Variants in ABTB3 observed in about 807,000 individuals in gnomAD.
ABTB3 encodes ankyrin repeat and BTB domain containing 3.
At chr12:107,320,360 AC>A in the ABTB3 span, among the ~76,000 whole-genome samples, 1 of 152,170 alleles carries the variant, frequency 6.6e-6, no homozygotes, top group Non-Finnish European at 1.5e-5. Context: ...AGTGAGCAAA[AC>A]CCAGCACCAT....
the ABTB3 span, among the ~76,000 whole-genome samples, chr12:107,355,344 C>T: frequency 1.3e-5 from 2 of 152,210 alleles, no homozygotes; most frequent in Non-Finnish European, 2.9e-5. Flanking sequence ...GGGCCCCAGC[C>T]CAGTGAGGCA....
At chr12:107,377,300 A>C in the ABTB3 span, among the ~76,000 whole-genome samples, 1 of 152,214 alleles carries the variant, frequency 6.6e-6, no homozygotes, top group Non-Finnish European at 1.5e-5. Flanking sequence ...GCCTCTGTTG[A>C]GACTGCATCA....
At chr12:107,635,030 A>T in the ABTB3 span, 1 of 339,564 alleles carries the variant, frequency 2.9e-6, no homozygotes, top group East Asian at 4.6e-5. Context: ...TAGGTAGCGA[A>T]TCATGAGGGC....
the ABTB3 span, among the ~76,000 whole-genome samples, chr12:107,491,868 G>A: frequency 2.0e-5 from 3 of 151,628 alleles, no homozygotes; most frequent in African/African-American, 7.3e-5. Context: ...GCGTCAGCCT[G>A]TTGGGATCCA....
At chr12:107,351,763 T>C in the ABTB3 span, among the ~76,000 whole-genome samples, 1 of 152,284 alleles carries the variant, frequency 6.6e-6, no homozygotes, top group South Asian at 2.1e-4. Flanking sequence ...TTCTGTTTGT[T>C]ATAAATGACA....
the ABTB3 span, among the ~76,000 whole-genome samples, chr12:107,434,808 G>A: frequency 6.6e-6 from 1 of 151,828 alleles, no homozygotes; most frequent in African/African-American, 2.4e-5. Flanking sequence ...AGGTTGCAAT[G>A]AGCCAAGATT....
the ABTB3 span, among the ~76,000 whole-genome samples, chr12:107,521,243 G>A: frequency 3.4e-5 from 5 of 149,060 alleles, no homozygotes; most frequent in Admixed American, 2.0e-4. Context: ...GCAGTCGCTG[G>A]TCACATGTCT....
At chr12:107,524,882 T>C in the ABTB3 span, among the ~76,000 whole-genome samples, 1 of 152,218 alleles carries the variant, frequency 6.6e-6, no homozygotes, top group Non-Finnish European at 1.5e-5. Context: ...TGCAATTTGC[T>C]CTGTAGGGTG....
the ABTB3 span, among the ~76,000 whole-genome samples, chr12:107,648,938 G>A: frequency 6.6e-6 from 1 of 152,004 alleles, no homozygotes; most frequent in Non-Finnish European, 1.5e-5. Context: ...TTTGGTCTTG[G>A]GGGTGGGCAT....
chr12:107,593,837 C>T, the ABTB3 span, among the ~76,000 whole-genome samples: 2 of 152,148 alleles, frequency 1.3e-5, no homozygotes, highest in African/African-American at 4.8e-5. Flanking sequence ...AGGACTACGT[C>T]TATCTAGTGG....
chr12:107,623,726 G>T, the ABTB3 span, among the ~76,000 whole-genome samples: 1 of 152,120 alleles, frequency 6.6e-6, no homozygotes. Flanking sequence ...AATCAGGAGT[G>T]CCCACTTGGT....
At chr12:107,482,843 CTTTT>C in the ABTB3 span, among the ~76,000 whole-genome samples, 15 of 145,112 alleles carry the variant, frequency 1.0e-4, no homozygotes, top group African/African-American at 3.8e-4. Flanking sequence ...TTCTTTCTTT[CTTTT>C]CTTCTCTTGT....
the ABTB3 span, among the ~76,000 whole-genome samples, chr12:107,524,624 C>T: frequency 6.6e-6 from 1 of 152,190 alleles, no homozygotes; most frequent in Admixed American, 6.5e-5. Context: ...TTATTGTCCT[C>T]ATTCGATGAT....
chr12:107,657,001 C>T, the ABTB3 span, among the ~76,000 whole-genome samples: 2 of 152,136 alleles, frequency 1.3e-5, no homozygotes, highest in African/African-American at 2.4e-5. Context: ...CGAGATCATG[C>T]CGCTGCGCTC....
At chr12:107,553,634 T>C in the ABTB3 span, among the ~76,000 whole-genome samples, 1 of 152,066 alleles carries the variant, frequency 6.6e-6, no homozygotes, top group East Asian at 1.9e-4. Context: ...CGTTCTCCTG[T>C]AGGCAGTGAA....
At chr12:107,560,420 G>A in the ABTB3 span, among the ~76,000 whole-genome samples, 11 of 152,272 alleles carry the variant, frequency 7.2e-5, no homozygotes, top group African/African-American at 2.6e-4. Flanking sequence ...AATCCCAGCT[G>A]TTGCTTTTTT....
the ABTB3 span, among the ~76,000 whole-genome samples, chr12:107,539,816 C>T: frequency 6.6e-6 from 1 of 152,236 alleles, no homozygotes; most frequent in African/African-American, 2.4e-5. Flanking sequence ...AGTGACTCGC[C>T]TGTGTTTACA....
chr12:107,327,364 A>G, the ABTB3 span, among the ~76,000 whole-genome samples: 3 of 152,152 alleles, frequency 2.0e-5, no homozygotes, highest in African/African-American at 7.2e-5. Flanking sequence ...TCTTAATATG[A>G]TACTTATTTC....
At chr12:107,612,896 C>A in the ABTB3 span, 89 of 1,602,634 alleles carry the variant, frequency 5.6e-5, no homozygotes, top group Middle Eastern at 1.2e-3. Context: ...CAGCAGGGCC[C>A]CTCGGCCGGC....
Sources: allele counts gnomAD v4.1 joint callset (sites outside exome capture counted in the v4.1 genomes callset), GRCh38; gene constraint gnomAD v4.1.1; transcripts MANE v1.5; gene names NCBI Gene and HGNC (gene_info 2026-07-23, HGNC 2026-07-21).